ETFDH: variants seen among roughly 807,000 people sequenced by gnomAD.
The protein encoded by ETFDH is electron transfer flavoprotein-ubiquinone oxidoreductase, mitochondrial.
In ETFDH, 61 loss-of-function variants were observed where a neutral mutation model predicts 73.2. That is an observed-to-expected ratio of 0.83 (90% CI 0.68 to 1.03). The LOEUF (loss-of-function observed/expected upper bound fraction) is 1.03. Among genes scored for constraint, ETFDH ranks in the 50% least tolerant of loss-of-function variants. The probability of loss-of-function intolerance (pLI) is 0.00; values close to 1 mark genes in which losing one functional copy is unlikely to be tolerated. For missense variants in ETFDH, 685 were observed against 745.0 expected (o/e 0.92, Z 0.94); for synonymous variants, 243 against 253.3 (o/e 0.96, Z 0.39).
chr4:158,704,289 G>T (rs189703036), intron 10 of ETFDH, among the ~76,000 whole-genome samples: 11 of 152,310 alleles, frequency 7.2e-5, no homozygotes, highest in Non-Finnish European at 1.6e-4. Context: ...AGCAAGCTTT[G>T]TAAGTATAGG....
intron 1 of ETFDH, among the ~76,000 whole-genome samples, chr4:158,674,317 G>A (rs1443877076): frequency 6.6e-6 from 1 of 151,628 alleles, no homozygotes; most frequent in African/African-American, 2.4e-5. Flanking sequence ...TGTTTTTTGG[G>A]GTTTTTTTGA....
chr4:158,704,165 G>C (rs1419246686), intron 10 of ETFDH, among the ~76,000 whole-genome samples: 2 of 152,164 alleles, frequency 1.3e-5, no homozygotes, highest in African/African-American at 4.8e-5. Context: ...AAATATGACA[G>C]TACTGCATTT....
At position 158,672,335 on chromosome 4, in the gene ETFDH, C is replaced by T. The variant is rs1773589676; in HGVS notation, c.-122C>T. The T allele has an allele frequency of 3.0e-6, 3 of 985,770 alleles. No individual in the cohort carries two copies. The highest frequency in any genetic ancestry group is 1.3e-5 in the South Asian group (1 of 78,434). The allele number at this position is 985,770 out of a possible 1,614,324, so 61.1% of individuals were successfully genotyped here. On this transcript the variant is annotated 5_prime_UTR_variant, in exon 1 of 13. Transcript: ENST00000511912. ...GTCGGCAGAGCGGGGAGGCGAACTG[C>T]AGCAGAGTTCTTGCTTTCCGGCAGG...
At chr4:158,686,917 C>T (rs552976051) in intron 5 of ETFDH, among the ~76,000 whole-genome samples, 1 of 151,128 alleles carries the variant, frequency 6.6e-6, no homozygotes, top group Non-Finnish European at 1.5e-5. Flanking sequence ...GGTTTATCAG[C>T]GTGCATGAAG....
rs1236362951 is a variant in ETFDH at position 158,709,602 on chromosome 4, C to G, written c.*1075C>G. ...TATTAAGCATGAACCCCTATCAGTA[C>G]TCCTAAACTGTAAACAGTAAGGAAC... is the stretch of plus-strand genomic sequence containing the variant. On this transcript the variant is annotated 3_prime_UTR_variant, in exon 13 of 13. Transcript: ENST00000511912. 4.7e-6 allele frequency: 3 copies of G among 634,046 alleles called. No individual in the cohort carries two copies. The highest frequency in any genetic ancestry group is 3.7e-5 in the African/African-American group (2 of 53,924). The allele number at this position is 634,046 out of a possible 1,614,324, so 39.3% of individuals were successfully genotyped here. A position where few individuals can be genotyped will look rare whatever the true frequency, so the allele number is the denominator to read the frequency against.
chr4:158,689,838 C>T (rs940309811), intron 5 of ETFDH, among the ~76,000 whole-genome samples: 7 of 151,500 alleles, frequency 4.6e-5, no homozygotes, highest in Non-Finnish European at 8.8e-5. Context: ...CACTTTTGAC[C>T]TATTTTCCCC....
chr4:158,685,130 A>G lies in ETFDH; in HGVS notation c.517A>G (p.Ile173Val), dbSNP rs768856146. The G allele has an allele frequency of 6.2e-7, 1 of 1,610,816 alleles. No individual in the cohort carries two copies. Among genetic ancestry groups the G allele is most frequent in the Non-Finnish European group, 8.5e-7 (1 of 1,177,170 alleles). The change falls in exon 5 of 13, where the codon ATT becomes GTT. Residue 173 changes from isoleucine to valine, a missense_variant. By Grantham distance (29) the Ile-to-Val change is conservative (BLOSUM62 3). This residue lies in a region of ETFDH where 405 missense variants were observed against 399.3 expected (regional missense o/e 1.01). Transcript: ENST00000511912. ...GLPMNNHGNY[I>V]VRLGHLVSWM... ...TCCAATGAATAATCATGGCAATTAC[A>G]TTGTACGCTTGGGACATTTAGTGAG...
intron 8 of ETFDH, among the ~76,000 whole-genome samples, chr4:158,698,386 G>A (rs1206241541): frequency 6.6e-6 from 1 of 152,092 alleles, no homozygotes. Flanking sequence ...TTATTCCTGT[G>A]ACTTAATTGT....
Position 158,703,981 on chromosome 4 carries a change from C to T in ETFDH, c.1285+390C>T, listed in dbSNP as rs534023179. On this transcript the variant is annotated intron_variant, in intron 10 of 12. Coordinates refer to ENST00000511912, the MANE Select transcript of ETFDH (RefSeq NM_004453.4). ...GTGTGTGGTGGCGGGTGCCTGTAATCCCAGCTACTTGGGAGGCTGAGGCAG... is the reference window on the plus strand; with the variant it reads ...GTGTGTGGTGGCGGGTGCCTGTAATTCCAGCTACTTGGGAGGCTGAGGCAG... Among the ~76,000 whole-genome samples the T allele has an allele frequency of 2.6e-5, 4 of 152,270 alleles. No homozygotes were observed. The East Asian group carries it at 7.7e-4, about 29-fold the overall frequency.
Position 158,685,159 on chromosome 4 carries a change from G to T in ETFDH, c.546G>T (p.Trp182Cys). 1 of 1,613,286 alleles carries T rather than the reference G, an allele frequency of 6.2e-7. No homozygotes were observed. The highest frequency in any genetic ancestry group is 1.1e-5 in the South Asian group (1 of 91,050). Residue 182 changes from tryptophan (W) to cysteine (C), a missense_variant, in exon 5 of 13, where the codon TGG becomes TGT. Physicochemically the swap from Trp to Cys is radical, Grantham distance 215. Around this residue, in one of 3 missense-constraint regions of ETFDH, gnomAD observed 405 missense variants for 399.3 expected, o/e 1.01. Transcript: ENST00000511912. Reference sequence around the variant, plus strand: ...TACGCTTGGGACATTTAGTGAGCTGGATGGGCGAACAAGCAGAAGCCCTTG... The same window carrying T: ...TACGCTTGGGACATTTAGTGAGCTGTATGGGCGAACAAGCAGAAGCCCTTG... ...YIVRLGHLVS[W>C]MGEQAEALGV...
chr4:158,678,709 G>A (rs1486451198), intron 1 of ETFDH, among the ~76,000 whole-genome samples: 3 of 149,054 alleles, frequency 2.0e-5, no homozygotes, highest in African/African-American at 5.0e-5. Context: ...GTACAGTGAC[G>A]TGGTCCTAGC....
At chr4:158,707,756 T>G (rs1774667872) in intron 12 of ETFDH, among the ~76,000 whole-genome samples, 1 of 152,140 alleles carries the variant, frequency 6.6e-6, no homozygotes, top group Middle Eastern at 3.2e-3. Context: ...TGCCATAAAG[T>G]GCTTCCTTTA....
chr4:158,706,080 C>T (rs745436476), intron 10 of ETFDH, 109 bp from the exon 11 acceptor site: 1 of 797,384 alleles, frequency 1.3e-6, no homozygotes, highest in South Asian at 1.4e-5. Flanking sequence ...GACCTTGTCT[C>T]GAAAAAAGAA....
chr4:158,674,060 T>C (rs1580388842), intron 1 of ETFDH, among the ~76,000 whole-genome samples: 1 of 152,300 alleles, frequency 6.6e-6, no homozygotes, highest in Non-Finnish European at 1.5e-5. Flanking sequence ...AGAAAATCAG[T>C]AGCTATACAA....
At chr4:158,682,099 TAATACTC>T (rs1405473559) in intron 2 of ETFDH, 89 bp from the exon 3 acceptor site, 2 of 1,552,748 alleles carry the variant, frequency 1.3e-6, no homozygotes, top group African/African-American at 2.7e-5. Context: ...TTTCCATAAA[TAATACTC>T]TAAAGCACAG....
chr4:158,679,642 A>C (rs1255047122), intron 1 of ETFDH: 3 of 152,218 alleles, frequency 2.0e-5, no homozygotes, highest in Non-Finnish European at 2.9e-5. Context: ...AAAGGAAAGA[A>C]GAGGTGGAGT....
chr4:158,693,823 C>T (rs766894641), intron 6 of ETFDH, among the ~76,000 whole-genome samples: 7 of 152,148 alleles, frequency 4.6e-5, no homozygotes, highest in Non-Finnish European at 1.0e-4. Flanking sequence ...AAATGTTTGA[C>T]TGTCTGTAAT....
At chr4:158,698,799 A>G (rs561670336) in intron 8 of ETFDH, among the ~76,000 whole-genome samples, 188 bp from the exon 9 acceptor site, 1 of 151,692 alleles carries the variant, frequency 6.6e-6, no homozygotes, top group South Asian at 2.1e-4. Flanking sequence ...CCTTTTCTTT[A>G]CCTTTTCTTT....
At chr4:158,701,487 G>T (rs181761677) in intron 9 of ETFDH, among the ~76,000 whole-genome samples, 1 of 152,280 alleles carries the variant, frequency 6.6e-6, no homozygotes, top group Admixed American at 6.5e-5. Flanking sequence ...CATATACTGT[G>T]AAAGGACCTG....
Sources: allele counts gnomAD v4.1 joint callset (sites outside exome capture counted in the v4.1 genomes callset), GRCh38; gene constraint gnomAD v4.1.1; regional missense constraint gnomAD v4.1.1; transcripts MANE v1.5; gene names NCBI Gene and HGNC (gene_info 2026-07-23, HGNC 2026-07-21).